PLXDC2: variants seen among roughly 807,000 people sequenced by gnomAD.
The protein encoded by PLXDC2 is plexin domain containing 2, also known as plexin domain-containing protein 2.
Under a neutral mutation model 68.9 loss-of-function variants are expected in PLXDC2, and 40 were observed. The observed-to-expected ratio is 0.58, with a 90% CI of 0.45 to 0.76. The LOEUF (loss-of-function observed/expected upper bound fraction) is 0.76, where lower values mean the gene tolerates loss of function less well. Among genes scored for constraint, PLXDC2 ranks in the 30% least tolerant of loss-of-function variants. PLXDC2 has a pLI of 0.00. For synonymous variants in PLXDC2, 243 were observed against 234.2 expected (o/e 1.04, Z -0.34); for missense variants, 644 against 661.9 (o/e 0.97, Z 0.30).
intron 4 of PLXDC2, among the ~76,000 whole-genome samples, chr10:20,083,076 C>T (rs1298572960): frequency 6.6e-6 from 1 of 152,042 alleles, no homozygotes; most frequent in Non-Finnish European, 1.5e-5. Context: ...GACAGATATA[C>T]AAGAAACTAT....
chr10:20,131,313 G>A (rs150438518), intron 4 of PLXDC2, among the ~76,000 whole-genome samples: 10 of 151,788 alleles, frequency 6.6e-5, no homozygotes, highest in East Asian at 3.9e-4. Context: ...CTAGGTTATC[G>A]AATTTGTTGG....
At chr10:19,883,261 C>T (rs1251796756) in intron 1 of PLXDC2, among the ~76,000 whole-genome samples, 2 of 150,560 alleles carry the variant, frequency 1.3e-5, no homozygotes, top group African/African-American at 4.9e-5. Context: ...CCCGCCTGGC[C>T]ACTAAAATTT....
chr10:20,251,459 A>C (rs1269581523), intron 13 of PLXDC2, among the ~76,000 whole-genome samples: 3 of 152,162 alleles, frequency 2.0e-5, no homozygotes, highest in African/African-American at 7.2e-5. Flanking sequence ...GGAAGGGTCA[A>C]TATATCTAGG....
chr10:19,840,276 G>T (rs1290248101), intron 1 of PLXDC2, among the ~76,000 whole-genome samples: 5 of 152,058 alleles, frequency 3.3e-5, no homozygotes, highest in Admixed American at 3.3e-4. Context: ...GAAGGGAGAA[G>T]ATTAACATTA....
chr10:20,140,254 G>A (rs1019232641), intron 4 of PLXDC2, among the ~76,000 whole-genome samples: 12 of 151,862 alleles, frequency 7.9e-5, no homozygotes, highest in Non-Finnish European at 1.3e-4. Context: ...AGCAGAGATC[G>A]CGCCACTGCA....
At chr10:20,143,505 A>AT (rs1834033873) in intron 5 of PLXDC2, 88 bp downstream of exon 5, 2 of 1,539,094 alleles carry the variant, frequency 1.3e-6, no homozygotes, top group African/African-American at 1.4e-5. Flanking sequence ...TAAACTGTTT[A>AT]TTTTTTGGTG....
intron 2 of PLXDC2, among the ~76,000 whole-genome samples, chr10:20,035,105 T>A (rs1835557179): frequency 6.6e-6 from 1 of 152,214 alleles, no homozygotes; most frequent in Admixed American, 6.5e-5. Context: ...TTACACTGGT[T>A]TTATTCTAAC....
In PLXDC2 at chr10:20,163,522, T is replaced by G. The variant is rs1459739647; in HGVS notation, c.784-946T>G. 2.6e-5 allele frequency among the ~76,000 whole-genome samples: 4 copies of G among 152,164 alleles called. No individual in the cohort carries two copies. The East Asian group carries it at 7.7e-4, about 29-fold the overall frequency. ...TTACACAGCAATATCTGATCTAATA[T>G]ATTATTTAATGAATTGCCCACAGAT... is the stretch of plus-strand genomic sequence containing the variant. On this transcript the variant is annotated intron_variant, in intron 6 of 13. Coordinates refer to ENST00000377252, the MANE Select transcript of PLXDC2 (RefSeq NM_032812.9).
chr10:19,829,492 G>C (rs74119751), intron 1 of PLXDC2, among the ~76,000 whole-genome samples: 1,971 of 152,152 alleles, frequency 0.013, 33 homozygotes, highest in African/African-American at 0.045. Context: ...GTGATGTCCT[G>C]GGTTAAAGTA....
At chr10:19,941,717 C>T (rs1483080170) in intron 1 of PLXDC2, among the ~76,000 whole-genome samples, 1 of 152,022 alleles carries the variant, frequency 6.6e-6, no homozygotes, top group Admixed American at 6.6e-5. Context: ...AAAGAACTAC[C>T]CTTCACTCAT....
chr10:19,880,586 C>G (rs1204374005), intron 1 of PLXDC2, among the ~76,000 whole-genome samples: 3 of 152,038 alleles, frequency 2.0e-5, no homozygotes, highest in Non-Finnish European at 2.9e-5. Flanking sequence ...AAGCAAAACT[C>G]GAGATAAAAG....
In PLXDC2 at chr10:20,245,365, G is replaced by T. The variant is rs778339194; in HGVS notation, c.1333G>T (p.Ala445Ser). The change falls in exon 13 of 14, where the codon GCT becomes TCT. Residue 445 changes from alanine (A) to serine (S), a missense_variant. Ala to Ser is a moderately conservative substitution (Grantham distance 99). This residue lies in a region of PLXDC2 where 330 missense variants were observed against 327.9 expected (regional missense o/e 1.01). Coordinates refer to ENST00000377252, the MANE Select transcript of PLXDC2 (RefSeq NM_032812.9). ...DNGASTDDSAAEKKGGTLHAG... is the reference protein window; with the variant it reads ...DNGASTDDSASEKKGGTLHAG... The stretch of plus-strand genomic sequence containing the variant: ...TTCAGCTTCTACAGATGACAGTGCA[G>T]CTGAGAAGAAAGGGGGAACCCTCCA... 4 of 1,613,164 alleles carry T rather than the reference G, an allele frequency of 2.5e-6. No individual in the cohort carries two copies. Among genetic ancestry groups the T allele is most frequent in the African/African-American group, 1.3e-5 (1 of 74,896 alleles).
chr10:20,111,710 G>A (rs2460591), intron 4 of PLXDC2, among the ~76,000 whole-genome samples: 139,239 of 152,254 alleles, frequency 0.91, 63,821 homozygotes, highest in African/African-American at 0.94. Flanking sequence ...CAAGATGCGA[G>A]TCTCACGGTT....
chr10:19,816,920 T>C lies in PLXDC2; in HGVS notation c.-160T>C, dbSNP rs117754203. 19,973 of 609,218 alleles carry C rather than the reference T, an allele frequency of 0.033. 427 individuals carry two copies. Among genetic ancestry groups the C allele is most frequent in the Middle Eastern group, 0.069 (158 of 2,278 alleles). 37.7% of individuals were successfully genotyped at this position (609,218 alleles called of 1,614,324 possible). A position where few individuals can be genotyped will look rare whatever the true frequency, so the allele number is the denominator to read the frequency against. ...CCTACTCGCGTTCGCTTCTTCCTCT[T>C]CTCGGTTCCCTACTGTGAAATCGCA... On this transcript the variant is annotated 5_prime_UTR_variant, in exon 1 of 14. Transcript: ENST00000377252.
rs13376761 is a variant in PLXDC2 at position 20,201,455 on chromosome 10, T to G, written c.1062-10214T>G. 8.6e-3 allele frequency among the ~76,000 whole-genome samples: 1,310 copies of G among 152,050 alleles called. 17 individuals are homozygous for G. Among genetic ancestry groups the G allele is most frequent in the African/African-American group, 0.029 (1,209 of 41,512 alleles). On this transcript the variant is annotated intron_variant, in intron 9 of 13. Coordinates refer to ENST00000377252, the MANE Select transcript of PLXDC2 (RefSeq NM_032812.9). ...TTAAAGGATATAAATTATAGCTAGA[T>G]AGGAGTAAGTTCTAATGTTCTATTT... is the stretch of plus-strand genomic sequence containing the variant.
chr10:20,185,693 T>C (rs1322268542), intron 9 of PLXDC2, among the ~76,000 whole-genome samples: 2 of 151,964 alleles, frequency 1.3e-5, no homozygotes, highest in African/African-American at 4.8e-5. Flanking sequence ...AAGTTCATAT[T>C]TGAAGCTACT....
chr10:20,191,375 C>T (rs542439089), intron 9 of PLXDC2, among the ~76,000 whole-genome samples: 1 of 151,868 alleles, frequency 6.6e-6, no homozygotes, highest in South Asian at 2.1e-4. Context: ...TATTCTTATT[C>T]TCTGCATGAA....
chr10:19,919,481 G>T (rs1420090201), intron 1 of PLXDC2, among the ~76,000 whole-genome samples: 2 of 152,160 alleles, frequency 1.3e-5, no homozygotes, highest in East Asian at 3.9e-4. Context: ...TAATAACAGT[G>T]ACTATAATTA....
chr10:20,225,644 A>G (rs1835276531), intron 12 of PLXDC2, among the ~76,000 whole-genome samples: 1 of 152,116 alleles, frequency 6.6e-6, no homozygotes, highest in Non-Finnish European at 1.5e-5. Flanking sequence ...TTCTCTCCCA[A>G]ACTTTTATCT....
Sources: allele counts gnomAD v4.1 joint callset (sites outside exome capture counted in the v4.1 genomes callset), GRCh38; gene constraint gnomAD v4.1.1; regional missense constraint gnomAD v4.1.1; transcripts MANE v1.5; gene names NCBI Gene and HGNC (gene_info 2026-07-23, HGNC 2026-07-21).